VPS54: variants seen among roughly 807,000 people sequenced by gnomAD.
The protein encoded by VPS54 is VPS54 subunit of GARP complex.
Under a neutral mutation model 121.5 loss-of-function variants are expected in VPS54, and 45 were observed. The ratio of observed to expected loss-of-function variants is 0.37; its 90% CI spans 0.29 to 0.47. VPS54 has a LOEUF of 0.47. Ranked by LOEUF, VPS54 falls within the 20% of genes least tolerant of loss-of-function variation. VPS54 has a pLI of 0.99. For missense variants in VPS54, 1,090 were observed against 1,131.4 expected (o/e 0.96, Z 0.52); for synonymous variants, 371 against 385.8 (o/e 0.96, Z 0.45).
chr2:64,016,509 T>C (rs1286983623), intron 1 of VPS54, among the ~76,000 whole-genome samples: 1 of 152,112 alleles, frequency 6.6e-6, no homozygotes. Flanking sequence ...GGAGTAACTG[T>C]TAATGGATAA....
chr2:63,976,598 T>C (rs1676542685), intron 3 of VPS54, among the ~76,000 whole-genome samples: 2 of 152,096 alleles, frequency 1.3e-5, no homozygotes, highest in Admixed American at 1.3e-4. Context: ...AGCAGTATGA[T>C]TGATTCAATT....
chr2:63,966,209 T>C (rs1291517061), intron 5 of VPS54, among the ~76,000 whole-genome samples: 1 of 152,196 alleles, frequency 6.6e-6, no homozygotes, highest in Non-Finnish European at 1.5e-5. Context: ...GAGATGGTCA[T>C]TCTATTACTA....
chr2:64,017,426 C>CT (rs1678761160), intron 1 of VPS54, among the ~76,000 whole-genome samples: 1 of 151,680 alleles, frequency 6.6e-6, no homozygotes, highest in Non-Finnish European at 1.5e-5. Context: ...TAGGAATTGA[C>CT]TTTAATTCTG....
rs577186060 is a variant in VPS54 at position 63,912,160 on chromosome 2, T to TG, written c.2625+184dup. On this transcript the variant is annotated intron_variant, in intron 20 of 22. Transcript: ENST00000272322. Reference sequence around the variant, plus strand: ...TAGATAACTGCAGGTTAGACCACTATGGGGGGTCTTGGTCACAGCACATGG... The same window carrying TG: ...TAGATAACTGCAGGTTAGACCACTATGGGGGGGTCTTGGTCACAGCACATGG... Among the ~76,000 whole-genome samples, 29 of 152,240 alleles carry TG rather than the reference T, an allele frequency of 1.9e-4. No homozygotes were observed. The East Asian group carries it at 5.0e-3, about 26-fold the overall frequency.
At chr2:63,972,877 CA>C (rs894352252) in intron 3 of VPS54, among the ~76,000 whole-genome samples, 1 of 124,116 alleles carries the variant, frequency 8.1e-6, no homozygotes, top group Non-Finnish European at 1.7e-5. Context: ...GACTCTATCA[CA>C]AAAAAAAAGA....
At chr2:63,950,022 C>T (rs144070747) in intron 7 of VPS54, among the ~76,000 whole-genome samples, 37 of 152,254 alleles carry the variant, frequency 2.4e-4, no homozygotes, top group East Asian at 1.5e-3. Flanking sequence ...CACTCATCTC[C>T]GTCAAGTCAT....
rs557672752 is a variant in VPS54 at position 63,947,477 on chromosome 2, G to T, written c.1151C>A (p.Ser384Tyr). 1.3e-6 allele frequency: 2 copies of T among 1,511,858 alleles called. No homozygotes were observed. Among genetic ancestry groups the T allele is most frequent in the African/African-American group, 2.8e-5 (2 of 71,626 alleles). The allele number at this position is 1,511,858 out of a possible 1,614,324, so 93.7% of individuals were successfully genotyped here. A position where few individuals can be genotyped will look rare whatever the true frequency, so the allele number is the denominator to read the frequency against. ...CQVLEEERLI[S>Y]LVFGLLKQRK... Reference sequence around the variant, plus strand: ...TTGTTTTAAAAGTCCAAATACAAGAGATATTAGTCTTTCCTGTTAAAATAA... The same window carrying T: ...TTGTTTTAAAAGTCCAAATACAAGATATATTAGTCTTTCCTGTTAAAATAA... The change falls in exon 9 of 23, where the codon TCT becomes TAT. Residue 384 changes from serine to tyrosine, a missense_variant. Physicochemically the swap from Ser to Tyr is moderately radical, Grantham distance 144. Around this residue, in one of 2 missense-constraint regions of VPS54, gnomAD observed 801 missense variants for 757.0 expected, o/e 1.06. Transcript: ENST00000272322.
chr2:63,961,003 C>T (rs1055291279), intron 7 of VPS54, among the ~76,000 whole-genome samples: 6 of 152,198 alleles, frequency 3.9e-5, no homozygotes, highest in Non-Finnish European at 8.8e-5. Flanking sequence ...TTAGGTTCCA[C>T]CCCTAAGGTC....
chr2:63,987,919 G>C (rs985564436), intron 1 of VPS54, among the ~76,000 whole-genome samples: 2 of 151,998 alleles, frequency 1.3e-5, no homozygotes, highest in Non-Finnish European at 2.9e-5. Context: ...ATCATTTTTT[G>C]ATGAATTCTT....
At position 63,920,537 on chromosome 2, in the gene VPS54, C is replaced by A; in HGVS notation, c.1960G>T (p.Gly654Ter). 1 of 1,590,998 alleles carries A rather than the reference C, an allele frequency of 6.3e-7. No individual in the cohort carries two copies. The highest frequency in any genetic ancestry group is 8.6e-7 in the Non-Finnish European group (1 of 1,169,260). Residue 654 changes from glycine to a stop codon, truncating the protein, a stop_gained, in exon 14 of 23, where the codon GGA (glycine) becomes TGA (stop). Transcript: ENST00000272322. LOFTEE classifies it high-confidence loss of function. Reference protein sequence around the residue: ...TFILDTEQICGRKSTSLLGAL... With the variant: ...TFILDTEQIC ...CCAAGTAATGACGTGCTTTTTCTTC[C>A]ACAGATCTGTTCGGTGTCTAAAATG...
chr2:63,933,768 G>A lies in VPS54; in HGVS notation c.1644C>T (p.Ser548=), dbSNP rs540516868. The change falls in exon 12 of 23, where the codon AGC becomes AGT. Residue 548 remains serine (S), a synonymous_variant. Coordinates refer to ENST00000272322, the MANE Select transcript of VPS54 (RefSeq NM_016516.3). The stretch of plus-strand genomic sequence containing the variant: ...ATTCTGGCTCGGATACAGAATCACT[G>A]CTGCAGGGCTCACTATTTGGAGATG... ...RNASPNSEPC[S]SDSVSEPECT... 1 of 1,613,920 alleles carries A rather than the reference G, an allele frequency of 6.2e-7. No homozygotes were observed. The highest frequency in any genetic ancestry group is 1.3e-5 in the African/African-American group (1 of 75,030).
At chr2:63,959,534 TAG>T (rs1675654483) in intron 7 of VPS54, among the ~76,000 whole-genome samples, 1 of 151,966 alleles carries the variant, frequency 6.6e-6, no homozygotes, top group African/African-American at 2.4e-5. Flanking sequence ...TAAAAAAAAA[TAG>T]AAAGATATTG....
At chr2:64,013,646 A>G (rs1242034107) in intron 1 of VPS54, among the ~76,000 whole-genome samples, 1 of 146,450 alleles carries the variant, frequency 6.8e-6, no homozygotes, top group Admixed American at 6.9e-5. Context: ...ATATATCAAT[A>G]TATAGATATA....
chr2:64,012,704 A>G (rs1678485667), intron 1 of VPS54, among the ~76,000 whole-genome samples: 1 of 143,180 alleles, frequency 7.0e-6, no homozygotes, highest in African/African-American at 3.0e-5. Flanking sequence ...AAAAAAAAAA[A>G]AGAAAAGAAA....
chr2:63,954,762 A>G (rs1298497988), intron 7 of VPS54, among the ~76,000 whole-genome samples: 1 of 152,086 alleles, frequency 6.6e-6, no homozygotes, highest in African/African-American at 2.4e-5. Context: ...CTAACTATCA[A>G]TTACAGAGAA....
chr2:63,902,970 AATAAC>A (rs1173307313), intron 20 of VPS54, among the ~76,000 whole-genome samples: 1 of 141,098 alleles, frequency 7.1e-6, no homozygotes, highest in African/African-American at 2.6e-5. Flanking sequence ...TGTCTCAAAA[AATAAC>A]ATAACAACAT....
intron 3 of VPS54, among the ~76,000 whole-genome samples, chr2:63,978,139 GTTGA>G (rs1302320750): frequency 2.0e-5 from 3 of 152,186 alleles, no homozygotes; most frequent in Non-Finnish European, 4.4e-5. Context: ...CTTCTCAGTT[GTTGA>G]TTTTCAGTTT....
At chr2:63,910,034 T>C (rs1673080559) in intron 20 of VPS54, among the ~76,000 whole-genome samples, 1 of 152,138 alleles carries the variant, frequency 6.6e-6, no homozygotes. Flanking sequence ...GGCCACTTAT[T>C]AGCTTCTTAG....
At chr2:64,013,659 TTG>T (rs1678546794) in intron 1 of VPS54, among the ~76,000 whole-genome samples, 1 of 145,666 alleles carries the variant, frequency 6.9e-6, no homozygotes, top group Non-Finnish European at 1.5e-5. Flanking sequence ...TAGATATATA[TTG>T]ATATATATAT....
Sources: allele counts gnomAD v4.1 joint callset (sites outside exome capture counted in the v4.1 genomes callset), GRCh38; gene constraint gnomAD v4.1.1; regional missense constraint gnomAD v4.1.1; transcripts MANE v1.5; gene names NCBI Gene and HGNC (gene_info 2026-07-23, HGNC 2026-07-21).